FGF12: variants seen among roughly 807,000 people sequenced by gnomAD.
The protein encoded by FGF12 is fibroblast growth factor 12B.
Under a neutral mutation model 23.6 loss-of-function variants are expected in FGF12, and 14 were observed. That is an observed-to-expected ratio of 0.59 (90% CI 0.39 to 0.93). FGF12 has a LOEUF of 0.93. Ranked by LOEUF, FGF12 falls within the 40% of genes least tolerant of loss-of-function variation. The pLI is 0.00. For missense variants in FGF12, 175 were observed against 217.8 expected, an observed-to-expected ratio of 0.80 and a Z score of 1.24; for synonymous variants, 62 against 77.3, an observed-to-expected ratio of 0.80 and a Z score of 1.04.
chr3:192,173,552 T>TA (rs964092549), intron 4 of FGF12, among the ~76,000 whole-genome samples: 9 of 152,316 alleles, frequency 5.9e-5, no homozygotes, highest in African/African-American at 2.2e-4. Context: ...AAAGTATTTT[T>TA]AAAATGCTTA....
chr3:192,485,838 T>C (rs1723617773), intron 2 of FGF12, among the ~76,000 whole-genome samples: 1 of 152,174 alleles, frequency 6.6e-6, no homozygotes, highest in African/African-American at 2.4e-5. Context: ...GATAATTTTA[T>C]GTCATTAAAC....
intron 4 of FGF12, among the ~76,000 whole-genome samples, chr3:192,261,655 G>C (rs1166445776): frequency 6.6e-6 from 1 of 152,196 alleles, no homozygotes; most frequent in Non-Finnish European, 1.5e-5. Flanking sequence ...GGAGGACAGA[G>C]AGAGAGAAAA....
chr3:192,461,366 C>T (rs1170480473), intron 2 of FGF12, among the ~76,000 whole-genome samples: 1 of 152,112 alleles, frequency 6.6e-6, no homozygotes, highest in African/African-American at 2.4e-5. Context: ...AATATTGGCA[C>T]TGTGATATCA....
chr3:192,571,649 T>G (rs566189064), intron 2 of FGF12, among the ~76,000 whole-genome samples: 2 of 152,240 alleles, frequency 1.3e-5, no homozygotes, highest in Non-Finnish European at 2.9e-5. Context: ...GAATCTGTCC[T>G]GTGTCAAGGT....
intron 2 of FGF12, among the ~76,000 whole-genome samples, chr3:192,520,713 T>C (rs556028596): frequency 1.3e-5 from 2 of 152,326 alleles, no homozygotes; most frequent in East Asian, 1.9e-4. Context: ...CCAAAAAGTA[T>C]AGCTTGATAA....
chr3:192,388,903 T>G (rs1720170554), intron 2 of FGF12, among the ~76,000 whole-genome samples: 1 of 151,436 alleles, frequency 6.6e-6, no homozygotes, highest in South Asian at 2.1e-4. Flanking sequence ...TATAAAGTGG[T>G]GCCAAAATTT....
chr3:192,382,547 C>T (rs922911954), intron 2 of FGF12, among the ~76,000 whole-genome samples: 14 of 151,760 alleles, frequency 9.2e-5, no homozygotes, highest in African/African-American at 3.1e-4. Context: ...AAAAAAAATA[C>T]GTTGGTATAA....
chr3:192,639,354 A>G (rs931593566), intron 2 of FGF12, among the ~76,000 whole-genome samples: 5 of 152,236 alleles, frequency 3.3e-5, no homozygotes, highest in African/African-American at 1.2e-4. Flanking sequence ...CTATTGGTGG[A>G]AATGTGGATT....
chr3:192,638,858 T>C (rs763915739), intron 2 of FGF12, among the ~76,000 whole-genome samples: 22 of 152,240 alleles, frequency 1.4e-4, no homozygotes, highest in Non-Finnish European at 2.5e-4. Flanking sequence ...CCAGGAGGCA[T>C]TGAAGAATTA....
chr3:192,145,958 T>C (rs1713676271), intron 5 of FGF12, among the ~76,000 whole-genome samples: 1 of 152,316 alleles, frequency 6.6e-6, no homozygotes, highest in Middle Eastern at 3.4e-3. Context: ...AATTAAAGCA[T>C]AGTTTTTTAT....
intron 5 of FGF12, among the ~76,000 whole-genome samples, chr3:192,147,721 G>A (rs955719175): frequency 6.6e-6 from 1 of 152,020 alleles, no homozygotes; most frequent in African/African-American, 2.4e-5. Flanking sequence ...TAGTGGCAGG[G>A]CCAGGATGAA....
intron 2 of FGF12, among the ~76,000 whole-genome samples, chr3:192,710,938 G>A (rs1178360723): frequency 3.3e-5 from 5 of 152,112 alleles, no homozygotes; most frequent in Non-Finnish European, 4.4e-5. Flanking sequence ...TCTTGGAAAC[G>A]TAAGAGGTAA....
chr3:192,278,609 T>C (rs1237752933), intron 4 of FGF12, among the ~76,000 whole-genome samples: 2 of 152,150 alleles, frequency 1.3e-5, no homozygotes, highest in African/African-American at 4.8e-5. Flanking sequence ...TAGAGTCTTT[T>C]AAAACTCCAA....
intron 3 of FGF12, among the ~76,000 whole-genome samples, chr3:192,342,822 C>T (rs4686605): frequency 0.51 from 77,775 of 151,914 alleles, 23,189 homozygotes; most frequent in East Asian, 0.83. Context: ...TCCAATGATA[C>T]TGCACCAAAA....
chr3:192,248,721 A>C (rs1181652170), intron 4 of FGF12, among the ~76,000 whole-genome samples: 1 of 152,190 alleles, frequency 6.6e-6, no homozygotes, highest in African/African-American at 2.4e-5. Context: ...TCCAGGCAGC[A>C]GTGAGCGGTG....
chr3:192,229,404 A>G (rs1293881734), intron 4 of FGF12, among the ~76,000 whole-genome samples: 1 of 152,064 alleles, frequency 6.6e-6, no homozygotes, highest in Admixed American at 6.6e-5. Flanking sequence ...TCATAGGGAA[A>G]GTGGAAGAGC....
At chr3:192,242,215 G>A (rs1198629865) in intron 4 of FGF12, among the ~76,000 whole-genome samples, 1 of 152,082 alleles carries the variant, frequency 6.6e-6, no homozygotes, top group African/African-American at 2.4e-5. Context: ...TACAAAAGTA[G>A]GTTCTTTGAA....
intron 2 of FGF12, among the ~76,000 whole-genome samples, chr3:192,512,544 T>C (rs1724512359): frequency 6.6e-6 from 1 of 151,994 alleles, no homozygotes; most frequent in South Asian, 2.1e-4. Flanking sequence ...ATTATTATAG[T>C]AATTTACATT....
intron 3 of FGF12, among the ~76,000 whole-genome samples, chr3:192,356,662 A>G (rs1398656048): frequency 6.6e-6 from 1 of 152,210 alleles, no homozygotes; most frequent in African/African-American, 2.4e-5. Context: ...GTCTTTATCA[A>G]TTCTGTGAAA....
Sources: allele counts gnomAD v4.1 joint callset (sites outside exome capture counted in the v4.1 genomes callset), GRCh38; gene constraint gnomAD v4.1.1; transcripts MANE v1.5; gene names NCBI Gene and HGNC (gene_info 2026-07-23, HGNC 2026-07-21).